The following VPS36 variants were observed in gnomAD, a reference collection of about 807,000 sequenced individuals.
VPS36 encodes vacuolar protein-sorting-associated protein 36.
In VPS36, 31 loss-of-function variants were observed where a neutral mutation model predicts 63.5. The ratio of observed to expected loss-of-function variants is 0.49; its 90% CI spans 0.37 to 0.66. VPS36 has a LOEUF of 0.66. Ranked by LOEUF, VPS36 falls within the 30% of genes least tolerant of loss-of-function variation. The pLI, the probability that VPS36 is intolerant of heterozygous loss-of-function variation, is 0.00. For missense variants in VPS36, 338 were observed against 463.7 expected (o/e 0.73, Z 2.49); for synonymous variants, 138 against 157.2 (o/e 0.88, Z 0.91).
chr13:52,449,608 G>A (rs890540387), intron 1 of VPS36, among the ~76,000 whole-genome samples: 1 of 152,158 alleles, frequency 6.6e-6, no homozygotes, highest in African/African-American at 2.4e-5. Flanking sequence ...AAGAGAGGTA[G>A]CAAATTAAAA....
rs139548391 is a variant in VPS36, at chr13:52,432,225, C to T, written c.528+1437G>A. 6.7e-3 allele frequency among the ~76,000 whole-genome samples: 1,017 copies of T among 152,140 alleles called. 3 individuals are homozygous for T. Among genetic ancestry groups the T allele is most frequent in the Middle Eastern group, 0.037 (11 of 294 alleles). On this transcript the variant is annotated intron_variant, in intron 6 of 13. Coordinates refer to ENST00000378060, the MANE Select transcript of VPS36 (RefSeq NM_016075.4). ...AATTAGCCAGGTTTGGTGGCGGGCGCCTATAGGCCCAGCTACTCGGGAGGC... is the reference window on the plus strand; with the variant it reads ...AATTAGCCAGGTTTGGTGGCGGGCGTCTATAGGCCCAGCTACTCGGGAGGC...
intron 12 of VPS36, chr13:52,416,345 AAC>A (rs1957992133): frequency 2.2e-6 from 1 of 452,108 alleles, no homozygotes; most frequent in Admixed American, 4.0e-5. Context: ...TCTATAATGT[AAC>A]AGTCACTGTA....
At chr13:52,420,598 G>T (rs2137774472) in intron 10 of VPS36, among the ~76,000 whole-genome samples, 1 of 152,040 alleles carries the variant, frequency 6.6e-6, no homozygotes, top group East Asian at 2.0e-4. Flanking sequence ...CTCCCAAAGT[G>T]CTGGGATTAC....
At chr13:52,436,218 A>AACACACACAC (rs150816705) in intron 4 of VPS36, 72 bp downstream of exon 4, 31,841 of 640,864 alleles carry the variant, frequency 0.05, 612 homozygotes, top group East Asian at 0.07. Flanking sequence ...AACAAGCCAC[A>AACACACACAC]ACACACACAC....
chr13:52,416,103 A>G lies in VPS36; in HGVS notation c.991-10T>C, dbSNP rs1480991789. 6.2e-7 allele frequency: 1 copy of G among 1,610,372 alleles called. No homozygotes were observed. The highest frequency in any genetic ancestry group is 1.3e-5 in the African/African-American group (1 of 74,804). On this transcript the variant is annotated splice_polypyrimidine_tract_variant and intron_variant, in intron 12 of 13. Transcript: ENST00000378060. ...ATCCCTTTTCTGAAACCTAATAGAA[A>G]CACACAGCAGAAAAAAAATGTAATT... is the stretch of plus-strand genomic sequence containing the variant.
intron 10 of VPS36, among the ~76,000 whole-genome samples, chr13:52,423,064 C>T (rs1958062007): frequency 6.6e-6 from 1 of 152,166 alleles, no homozygotes; most frequent in African/African-American, 2.4e-5. Flanking sequence ...GTGACTTGCT[C>T]CTCCTTGCCT....
chr13:52,436,508 T>A (rs1383100075), intron 3 of VPS36, 104 bp from the exon 4 acceptor site: 1 of 825,126 alleles, frequency 1.2e-6, no homozygotes, highest in Non-Finnish European at 1.9e-6. Flanking sequence ...TTAAAATTCA[T>A]GTAGAAACAA....
intron 6 of VPS36, among the ~76,000 whole-genome samples, chr13:52,431,721 G>A (rs778493004): frequency 2.4e-4 from 35 of 145,552 alleles, no homozygotes; most frequent in Non-Finnish European, 4.3e-4. Context: ...CAAAATAGCG[G>A]CACTGCACTC....
At position 52,432,244 on chromosome 13, in the gene VPS36, G is replaced by A. The variant is rs927983252; in HGVS notation, c.528+1418C>T. 2.6e-5 allele frequency among the ~76,000 whole-genome samples: 4 copies of A among 152,088 alleles called. No individual in the cohort carries two copies. In the South Asian group the frequency reaches 8.3e-4, roughly 32 times the overall value. On this transcript the variant is annotated intron_variant, in intron 6 of 13. Transcript: ENST00000378060. Reference sequence around the variant, plus strand: ...CGGGCGCCTATAGGCCCAGCTACTCGGGAGGCTGAGGCAGGAGAATGGCGT... The same window carrying A: ...CGGGCGCCTATAGGCCCAGCTACTCAGGAGGCTGAGGCAGGAGAATGGCGT...
intron 3 of VPS36, 45 bp from the exon 4 acceptor site, chr13:52,436,449 A>T (rs1313489088): frequency 7.8e-7 from 1 of 1,285,564 alleles, no homozygotes; most frequent in Admixed American, 2.1e-5. Flanking sequence ...CTTTCAAAAA[A>T]ATATAACTAA....
Position 52,444,981 on chromosome 13 carries a change from A to G in VPS36, c.97-2536T>C, listed in dbSNP as rs560117049. Reference sequence around the variant, plus strand: ...ACACACTTCTTGACATACATTTTAAAAAACTGTTTTCTAAGAGTAAGGTCT... The same window carrying G: ...ACACACTTCTTGACATACATTTTAAGAAACTGTTTTCTAAGAGTAAGGTCT... On this transcript the variant is annotated intron_variant, in intron 1 of 13. Coordinates refer to ENST00000378060, the MANE Select transcript of VPS36 (RefSeq NM_016075.4). 2.0e-5 allele frequency among the ~76,000 whole-genome samples: 3 copies of G among 152,360 alleles called. No individual in the cohort carries two copies. In the South Asian group the frequency reaches 6.2e-4, roughly 32 times the overall value.
chr13:52,420,487 C>A (rs1419813075), intron 10 of VPS36, among the ~76,000 whole-genome samples: 1 of 151,754 alleles, frequency 6.6e-6, no homozygotes, highest in Non-Finnish European at 1.5e-5. Context: ...TGCCTGCCAC[C>A]ACGCCCGGCT....
At chr13:52,416,901 T>C (rs1302032459) in intron 12 of VPS36, among the ~76,000 whole-genome samples, 156 bp downstream of exon 12, 1 of 152,250 alleles carries the variant, frequency 6.6e-6, no homozygotes, top group East Asian at 1.9e-4. Flanking sequence ...TGGTTAATAT[T>C]GATTCATTGT....
At chr13:52,425,806 GAA>G in intron 9 of VPS36, 124 bp downstream of exon 9, 1 of 949,436 alleles carries the variant, frequency 1.1e-6, no homozygotes, top group Non-Finnish European at 1.4e-6. Flanking sequence ...ATACCTGAAA[GAA>G]AAAAAAAACA....
intron 9 of VPS36, among the ~76,000 whole-genome samples, chr13:52,424,025 T>A (rs1408948182): frequency 6.6e-6 from 1 of 151,942 alleles, no homozygotes; most frequent in Non-Finnish European, 1.5e-5. Context: ...ACCCAGCTAA[T>A]TTTTTTGTAT....
rs1326968067 is a variant in VPS36 at position 52,415,238 on chromosome 13, T to C, written c.*592A>G. 1 of 152,258 alleles carries C rather than the reference T, an allele frequency of 6.6e-6. No individual in the cohort carries two copies. The highest frequency in any genetic ancestry group is 1.5e-5 in the Non-Finnish European group (1 of 68,090). The allele number at this position is 152,258 out of a possible 1,614,324, so 9.4% of individuals were successfully genotyped here. A position where few individuals can be genotyped will look rare whatever the true frequency, so the allele number is the denominator to read the frequency against. On this transcript the variant is annotated 3_prime_UTR_variant, in exon 14 of 14. Coordinates refer to ENST00000378060, the MANE Select transcript of VPS36 (RefSeq NM_016075.4). ...CACAGTTGCATTCTTTAAATGCCAGTCATGAAATCATCACTTAAAAAAACA... is the reference window on the plus strand; with the variant it reads ...CACAGTTGCATTCTTTAAATGCCAGCCATGAAATCATCACTTAAAAAAACA...
intron 6 of VPS36, among the ~76,000 whole-genome samples, chr13:52,428,829 G>C (rs1359158611): frequency 6.6e-6 from 1 of 151,820 alleles, no homozygotes. Context: ...TGTTGCTGTA[G>C]AAAAAATAAG....
chr13:52,432,975 A>G (rs908474715), intron 6 of VPS36, among the ~76,000 whole-genome samples: 10 of 152,252 alleles, frequency 6.6e-5, no homozygotes, highest in African/African-American at 2.4e-4. Context: ...ATGAATTACT[A>G]TAAAAACCAA....
chr13:52,445,930 A>G (rs1594125616), intron 1 of VPS36, among the ~76,000 whole-genome samples: 1 of 91,204 alleles, frequency 1.1e-5, no homozygotes, highest in African/African-American at 4.5e-5. Flanking sequence ...ACAGAGAAAG[A>G]CTCTATCTCA....
Sources: gnomAD v4.1 joint callset for allele counts (sites outside exome capture counted in the v4.1 genomes callset) on GRCh38, gnomAD v4.1.1 for gene constraint, MANE v1.5 for transcripts, NCBI Gene and HGNC (gene_info 2026-07-23, HGNC 2026-07-21) for gene names.